Variants in ZEB1 observed in about 807,000 individuals in gnomAD.
ZEB1 encodes zinc finger E-box-binding homeobox 1.
A neutral mutation model predicts 84.9 loss-of-function variants in ZEB1; 21 were observed. That is an observed-to-expected ratio of 0.25 (90% confidence interval 0.18 to 0.36). The LOEUF is 0.36. Ranked by LOEUF, ZEB1 falls within the 10% of genes least tolerant of loss-of-function variation. ZEB1 has a pLI of 1.00. For missense variants in ZEB1, 1,104 were observed against 1,330.2 expected (o/e 0.83, Z 2.65); for synonymous variants, 420 against 471.1 (o/e 0.89, Z 1.41).
At chr10:31,353,790 T>C (rs2041687579) in intron 1 of ZEB1, among the ~76,000 whole-genome samples, 1 of 152,224 alleles carries the variant, frequency 6.6e-6, no homozygotes, top group Non-Finnish European at 1.5e-5. Flanking sequence ...CCTGTCATAT[T>C]GGCAATACAT....
At chr10:31,456,262 G>T (rs981973441) in intron 1 of ZEB1, among the ~76,000 whole-genome samples, 1 of 152,132 alleles carries the variant, frequency 6.6e-6, no homozygotes, top group Admixed American at 6.6e-5. Flanking sequence ...TGTTGGCGGG[G>T]TGGGGGTCTA....
intron 1 of ZEB1, among the ~76,000 whole-genome samples, chr10:31,453,943 A>G (rs1435645764): frequency 2.0e-5 from 3 of 152,198 alleles, no homozygotes; most frequent in African/African-American, 7.2e-5. Flanking sequence ...AAAACCTGGC[A>G]GAGACACAAC....
At chr10:31,398,893 G>T (rs1263473533) in intron 1 of ZEB1, among the ~76,000 whole-genome samples, 1 of 151,656 alleles carries the variant, frequency 6.6e-6, no homozygotes, top group African/African-American at 2.4e-5. Context: ...TTGGAATTTT[G>T]AGGCCTTTAA....
chr10:31,335,870 G>A (rs1222452799), intron 1 of ZEB1, among the ~76,000 whole-genome samples: 1 of 152,066 alleles, frequency 6.6e-6, no homozygotes, highest in Admixed American at 6.6e-5. Context: ...ATTCACAGAT[G>A]AATTACTCAA....
At chr10:31,467,277 A>C (rs1330177681) in intron 2 of ZEB1, among the ~76,000 whole-genome samples, 1 of 152,140 alleles carries the variant, frequency 6.6e-6, no homozygotes, top group Non-Finnish European at 1.5e-5. Context: ...AGCCACAAGG[A>C]GCCCAAAAGC....
Position 31,526,678 on chromosome 10 carries a change from G to A in ZEB1, c.2792G>A (p.Arg931Lys). 1 of 1,613,740 alleles carries A rather than the reference G, an allele frequency of 6.2e-7. No homozygotes were observed. ...CAGAATTCTTATTTTGCAGGTAAAA[G>A]ACCTCATGAGTGTGGAATCTGTAAA... Reference protein sequence around the residue: ...LRHKYEHTGKRPHECGICKKA... With the variant: ...LRHKYEHTGKKPHECGICKKA... Residue 931 changes from arginine (R) to lysine (K), a missense_variant, in exon 9 of 9, where the codon AGA (arginine) becomes AAA (lysine). By Grantham distance (26) the Arg-to-Lys change is conservative. This residue lies in a region of ZEB1 where 53 missense variants were observed against 92.5 expected (regional missense o/e 0.57). Transcript: ENST00000424869.
intron 5 of ZEB1, among the ~76,000 whole-genome samples, chr10:31,514,112 C>T (rs1207452595): frequency 6.6e-6 from 1 of 151,952 alleles, no homozygotes; most frequent in Non-Finnish European, 1.5e-5. Flanking sequence ...TTGGAAATAT[C>T]AAATAGAAGA....
At chr10:31,383,028 A>G (rs1242085205) in intron 1 of ZEB1, among the ~76,000 whole-genome samples, 1 of 152,070 alleles carries the variant, frequency 6.6e-6, no homozygotes, top group Non-Finnish European at 1.5e-5. Context: ...ACATGCTGAG[A>G]GTCACAATAA....
chr10:31,320,321 C>T (rs1589892298), intron 1 of ZEB1: 1 of 152,310 alleles, frequency 6.6e-6, no homozygotes, highest in African/African-American at 2.4e-5. Context: ...GACAGATCCC[C>T]CTCCCGGGGC....
chr10:31,495,915 T>G, intron 3 of ZEB1, 77 bp downstream of exon 3: 1 of 1,491,250 alleles, frequency 6.7e-7, no homozygotes, highest in Non-Finnish European at 9.4e-7. Flanking sequence ...CATTTGTGAG[T>G]CCTGAATTTA....
chr10:31,452,055 A>G (rs1306981792), intron 1 of ZEB1, among the ~76,000 whole-genome samples: 1 of 152,094 alleles, frequency 6.6e-6, no homozygotes, highest in Non-Finnish European at 1.5e-5. Flanking sequence ...AAAATTTAGA[A>G]TGATTGACTT....
intron 1 of ZEB1, chr10:31,373,275 A>G: frequency 2.1e-6 from 2 of 962,064 alleles, no homozygotes; most frequent in Non-Finnish European, 2.5e-6. Context: ...AAAATCTAGG[A>G]CATAATGACA....
chr10:31,422,995 A>G (rs993643683), intron 1 of ZEB1, among the ~76,000 whole-genome samples: 6 of 152,052 alleles, frequency 3.9e-5, no homozygotes, highest in Non-Finnish European at 8.8e-5. Flanking sequence ...CGCAAAGGAC[A>G]TGATTTCATT....
chr10:31,456,809 C>G (rs921440301), intron 1 of ZEB1, among the ~76,000 whole-genome samples: 1 of 152,134 alleles, frequency 6.6e-6, no homozygotes, highest in Admixed American at 6.6e-5. Flanking sequence ...AAACACTTCT[C>G]TAGTCCTTAC....
intron 2 of ZEB1, 35 bp from the exon 3 acceptor site, chr10:31,495,740 AC>A: frequency 6.2e-7 from 1 of 1,608,206 alleles, no homozygotes; most frequent in Non-Finnish European, 8.5e-7. Context: ...TATTAGGAAC[AC>A]TATAGATCTA....
At chr10:31,360,931 C>T (rs2042932073) in intron 1 of ZEB1, 2 of 1,570,100 alleles carry the variant, frequency 1.3e-6, no homozygotes, top group Non-Finnish European at 1.7e-6. Context: ...TAATAAATTG[C>T]ATGTCTGGAG....
At position 31,493,006 on chromosome 10, in the gene ZEB1, A is replaced by G. The variant is rs140537386; in HGVS notation, c.260-2770A>G. 5.6e-3 allele frequency among the ~76,000 whole-genome samples: 852 copies of G among 152,090 alleles called. 13 individuals are homozygous for G. The highest frequency in any genetic ancestry group is 0.02 in the African/African-American group (817 of 41,538). On this transcript the variant is annotated intron_variant, in intron 2 of 8. Transcript: ENST00000424869. ...TGTACCCTTTACCCAGTTTCCTCCA[A>G]TGGTAACATAATATAATGTCACAAC...
intron 1 of ZEB1, among the ~76,000 whole-genome samples, chr10:31,451,350 TGG>T (rs1372893777): frequency 2.0e-5 from 3 of 152,210 alleles, no homozygotes; most frequent in Non-Finnish European, 4.4e-5. Flanking sequence ...TTAAGTAGGC[TGG>T]TAATTTATCT....
chr10:31,474,518 C>T (rs935512409), intron 2 of ZEB1, among the ~76,000 whole-genome samples: 10 of 152,174 alleles, frequency 6.6e-5, no homozygotes, highest in East Asian at 3.8e-4. Flanking sequence ...GAGATACCAT[C>T]TCACACCAGT....
Sources: allele counts gnomAD v4.1 joint callset (sites outside exome capture counted in the v4.1 genomes callset), GRCh38; gene constraint gnomAD v4.1.1; regional missense constraint gnomAD v4.1.1; transcripts MANE v1.5; gene names NCBI Gene and HGNC (gene_info 2026-07-23, HGNC 2026-07-21).